SYT1: variants seen among roughly 807,000 people sequenced by gnomAD.
The protein encoded by SYT1 is synaptotagmin-1.
Under a neutral mutation model 44.8 loss-of-function variants are expected in SYT1, and 8 were observed. That is an observed-to-expected ratio of 0.18 (90% CI 0.10 to 0.32). SYT1 has a LOEUF of 0.32. Among genes scored for constraint, SYT1 ranks in the 10% least tolerant of loss-of-function variants. The probability of loss-of-function intolerance (pLI) is 1.00; values close to 1 mark genes in which losing one functional copy is unlikely to be tolerated. For synonymous variants in SYT1, 154 were observed against 188.8 expected (o/e 0.82, Z 1.51); for missense variants, 286 against 509.3 (o/e 0.56, Z 4.22).
intron 1 of SYT1, among the ~76,000 whole-genome samples, chr12:78,952,609 A>T (rs151024136): frequency 1.3e-5 from 2 of 152,140 alleles, no homozygotes; most frequent in Non-Finnish European, 2.9e-5. Flanking sequence ...TAATTCTGGA[A>T]TATTCCTAGA....
At chr12:79,338,606 C>T (rs1332492880) in intron 8 of SYT1, among the ~76,000 whole-genome samples, 1 of 150,590 alleles carries the variant, frequency 6.6e-6, no homozygotes. Flanking sequence ...TCTTCAATCC[C>T]TCCCTGCCTC....
At chr12:78,945,818 A>G (rs746041421) in intron 1 of SYT1, among the ~76,000 whole-genome samples, 1 of 152,148 alleles carries the variant, frequency 6.6e-6, no homozygotes, top group Non-Finnish European at 1.5e-5. Context: ...CCTCAACCCC[A>G]TAGCCAACAT....
At chr12:79,170,159 ACACATG>A (rs1050472631) in intron 3 of SYT1, among the ~76,000 whole-genome samples, 4 of 152,116 alleles carry the variant, frequency 2.6e-5, no homozygotes, top group Admixed American at 6.6e-5. Flanking sequence ...CAATGAACAT[ACACATG>A]CATGAGTCTT....
At chr12:79,387,349 C>T (rs1884476613) in intron 9 of SYT1, among the ~76,000 whole-genome samples, 1 of 152,150 alleles carries the variant, frequency 6.6e-6, no homozygotes, top group Middle Eastern at 3.2e-3. Flanking sequence ...CTACCTTAGC[C>T]AAGTTTAATG....
intron 1 of SYT1, among the ~76,000 whole-genome samples, chr12:78,975,873 C>T (rs779568777): frequency 3.3e-5 from 5 of 152,088 alleles, no homozygotes; most frequent in Non-Finnish European, 5.9e-5. Context: ...TGCTTGGAAT[C>T]ATTGTTGAAA....
At chr12:79,081,909 G>A (rs889226655) in intron 3 of SYT1, among the ~76,000 whole-genome samples, 6 of 152,114 alleles carry the variant, frequency 3.9e-5, no homozygotes, top group Non-Finnish European at 8.8e-5. Flanking sequence ...TCACTGTAAA[G>A]GAGTATTTGT....
At position 79,296,177 on chromosome 12, in the gene SYT1, G is replaced by C; in HGVS notation, c.583G>C (p.Glu195Gln). The C allele has an allele frequency of 1.2e-6, 2 of 1,614,024 alleles. No homozygotes were observed. The highest frequency in any genetic ancestry group is 1.7e-6 in the Non-Finnish European group (2 of 1,179,952). Residue 195 changes from glutamate to glutamine, a missense_variant, in exon 7 of 11, where the codon GAG becomes CAG. This residue lies in a region of SYT1 where 81 missense variants were observed against 164.9 expected (regional missense o/e 0.49). Coordinates refer to ENST00000261205, the MANE Select transcript of SYT1 (RefSeq NM_005639.3). ...GCTACCTGATAAGAAGAAGAAATTT[G>C]AGACAAAAGTCCACCGAAAAACCCT... ...FLLPDKKKKF[E>Q]TKVHRKTLNP...
chr12:78,978,674 C>T (rs1209730081), intron 2 of SYT1, among the ~76,000 whole-genome samples: 1 of 152,184 alleles, frequency 6.6e-6, no homozygotes, highest in East Asian at 1.9e-4. Flanking sequence ...TAGATTATCT[C>T]ATGATCTTTA....
intron 3 of SYT1, among the ~76,000 whole-genome samples, chr12:79,057,479 G>T (rs939237370): frequency 6.6e-6 from 1 of 151,856 alleles, no homozygotes; most frequent in East Asian, 1.9e-4. Flanking sequence ...CAGTAGTTTT[G>T]CAAGTTGCTC....
At chr12:79,347,361 G>C (rs190965452) in intron 8 of SYT1, among the ~76,000 whole-genome samples, 34 of 152,246 alleles carry the variant, frequency 2.2e-4, no homozygotes, top group African/African-American at 7.2e-4. Context: ...CACATCCAAT[G>C]TTTGGGGGAT....
At chr12:79,348,993 GAGAAGGAAAGAAAGAA>G (rs1882738606) in intron 8 of SYT1, among the ~76,000 whole-genome samples, 2 of 68,532 alleles carry the variant, frequency 2.9e-5, no homozygotes, top group Non-Finnish European at 5.4e-5. Flanking sequence ...GAAAGAAAGA[GAGAAGGAAAGAAAGAA>G]AGAAAGAAAG....
chr12:79,070,051 G>C (rs893410954), intron 3 of SYT1, among the ~76,000 whole-genome samples: 2 of 151,942 alleles, frequency 1.3e-5, no homozygotes, highest in East Asian at 3.9e-4. Flanking sequence ...AGCTAATTAA[G>C]GTGTCATAGG....
intron 3 of SYT1, among the ~76,000 whole-genome samples, chr12:79,170,865 T>G (rs1871476442): frequency 6.6e-6 from 1 of 152,120 alleles, no homozygotes; most frequent in African/African-American, 2.4e-5. Flanking sequence ...CTATTTTATG[T>G]TGATTTTATA....
intron 3 of SYT1, among the ~76,000 whole-genome samples, chr12:79,210,723 C>A (rs892146107): frequency 6.6e-6 from 1 of 152,140 alleles, no homozygotes; most frequent in Non-Finnish European, 1.5e-5. Flanking sequence ...GTGCAAGTAT[C>A]TTTTTCATAT....
At chr12:78,935,019 G>A (rs1877976198) in intron 1 of SYT1, among the ~76,000 whole-genome samples, 1 of 152,140 alleles carries the variant, frequency 6.6e-6, no homozygotes, top group African/African-American at 2.4e-5. Context: ...ATAATTGGCT[G>A]AATTCATTTC....
chr12:79,176,779 A>G (rs576247233), intron 3 of SYT1, among the ~76,000 whole-genome samples: 49 of 152,120 alleles, frequency 3.2e-4, no homozygotes, highest in African/African-American at 1.1e-3. Flanking sequence ...AGTAAACTAG[A>G]TAAAAATAAG....
chr12:79,018,335 G>T (rs558555467), intron 2 of SYT1, among the ~76,000 whole-genome samples: 38 of 147,610 alleles, frequency 2.6e-4, no homozygotes, highest in African/African-American at 9.3e-4. Flanking sequence ...CACACACCAG[G>T]GACGGTTGTG....
At chr12:79,101,487 C>T (rs1878442317) in intron 3 of SYT1, among the ~76,000 whole-genome samples, 1 of 152,056 alleles carries the variant, frequency 6.6e-6, no homozygotes, top group Non-Finnish European at 1.5e-5. Context: ...TCAGAGTATA[C>T]AAGGTACAAA....
intron 8 of SYT1, among the ~76,000 whole-genome samples, chr12:79,332,746 T>C (rs1301380309): frequency 1.3e-5 from 2 of 152,208 alleles, no homozygotes; most frequent in African/African-American, 4.8e-5. Context: ...AGCACGTTTC[T>C]TTACATTGTT....
Sources: allele counts gnomAD v4.1 joint callset (sites outside exome capture counted in the v4.1 genomes callset), GRCh38; gene constraint gnomAD v4.1.1; regional missense constraint gnomAD v4.1.1; transcripts MANE v1.5; gene names NCBI Gene and HGNC (gene_info 2026-07-23, HGNC 2026-07-21).